The following CYP4F22 variants were observed in gnomAD, a reference collection of about 807,000 sequenced individuals.
CYP4F22 encodes cytochrome P450 family 4 subfamily F member 22.
A neutral mutation model predicts 60.4 loss-of-function variants in CYP4F22; 37 were observed. The ratio of observed to expected loss-of-function variants is 0.61; its 90% confidence interval spans 0.47 to 0.81. CYP4F22 has a LOEUF of 0.81. Ranked by LOEUF, CYP4F22 falls within the 30% of genes least tolerant of loss-of-function variation. The pLI is 0.00. For missense variants in CYP4F22, 655 were observed against 715.0 expected, an observed-to-expected ratio of 0.92 and a Z score of 0.96; for synonymous variants, 258 against 280.5, an observed-to-expected ratio of 0.92 and a Z score of 0.80.
At chr19:15,539,558 G>A (rs1453206582) in intron 7 of CYP4F22, among the ~76,000 whole-genome samples, 4 of 152,326 alleles carry the variant, frequency 2.6e-5, no homozygotes, top group African/African-American at 7.2e-5. Flanking sequence ...CCTAGGAGCA[G>A]AATTGCTGGG....
intron 1 of CYP4F22, among the ~76,000 whole-genome samples, chr19:15,519,224 G>T (rs1022835063): frequency 3.3e-5 from 5 of 151,984 alleles, no homozygotes; most frequent in Admixed American, 3.3e-4. Context: ...TTTACAAACC[G>T]GGTGAAGAAA....
At chr19:15,543,184 G>T (rs1270664701) in intron 8 of CYP4F22, among the ~76,000 whole-genome samples, 1 of 152,064 alleles carries the variant, frequency 6.6e-6, no homozygotes, top group Non-Finnish European at 1.5e-5. Context: ...TTGTAAAAGC[G>T]TTCCTATTTC....
At chr19:15,540,835 A>G in intron 8 of CYP4F22, 118 bp downstream of exon 8, 5 of 1,355,162 alleles carry the variant, frequency 3.7e-6, no homozygotes, top group Non-Finnish European at 5.1e-6. Context: ...GTGTAATCCC[A>G]GCGCTTTGGG....
intron 4 of CYP4F22, among the ~76,000 whole-genome samples, chr19:15,531,872 C>T (rs568669411): frequency 1.4e-4 from 22 of 151,948 alleles, no homozygotes; most frequent in South Asian, 4.2e-4. Flanking sequence ...TGGGAGGCCA[C>T]GGCAGGAGGA....
chr19:15,513,592 C>G (rs1366763584), intron 1 of CYP4F22, among the ~76,000 whole-genome samples: 3 of 151,978 alleles, frequency 2.0e-5, no homozygotes, highest in African/African-American at 7.3e-5. Flanking sequence ...TCTCGATCTC[C>G]TGACCTCGTG....
chr19:15,543,818 C>T (rs1371429893), intron 8 of CYP4F22, among the ~76,000 whole-genome samples, 153 bp from the exon 9 acceptor site: 1 of 150,206 alleles, frequency 6.7e-6, no homozygotes, highest in Non-Finnish European at 1.5e-5. Context: ...GATTGTGCCA[C>T]CGCACTCCAG....
intron 4 of CYP4F22, among the ~76,000 whole-genome samples, 189 bp from the exon 5 acceptor site, chr19:15,537,172 A>G (rs1971403934): frequency 1.3e-5 from 2 of 152,042 alleles, no homozygotes; most frequent in South Asian, 4.1e-4. Flanking sequence ...ATGGTGGCGG[A>G]CACCTGTAAT....
chr19:15,547,986 AGAGAGAGAGGGAGAGAGTGTGT>A lies in CYP4F22; in HGVS notation c.1137-120_1137-99del. 6 of 721,166 alleles carry A rather than the reference AGAGAGAGAGGGAGAGAGTGTGT, an allele frequency of 8.3e-6. No homozygotes were observed. In the African/African-American group the frequency reaches 9.9e-5, roughly 12 times the overall value. 44.7% of individuals were successfully genotyped at this position (721,166 alleles called of 1,614,324 possible). ...CTGCCCCTGAGAGAGAGAGAGAGAGAGAGAGAGAGGGAGAGAGTGTGTGTGTGTGTGTGTGTGTGTGTGTGTG... is the reference window on the plus strand; with the variant it reads ...CTGCCCCTGAGAGAGAGAGAGAGAGAGTGTGTGTGTGTGTGTGTGTGTGTG... On this transcript the variant is annotated intron_variant, in intron 10 of 13. Coordinates refer to ENST00000269703, the MANE Select transcript of CYP4F22 (RefSeq NM_173483.4).
At chr19:15,532,472 T>G (rs928709970) in intron 4 of CYP4F22, among the ~76,000 whole-genome samples, 2 of 151,886 alleles carry the variant, frequency 1.3e-5, no homozygotes, top group African/African-American at 4.8e-5. Context: ...CCTCCCGAGT[T>G]CAAGTGATTC....
Position 15,525,386 on chromosome 19 carries a change from C to G in CYP4F22, c.50C>G (p.Thr17Arg). ...CTGCACCTCCTGGGGCTGGAGAAGA[C>G]GGCGTTCCGCATATACGCGGTGTCC... ...RLLHLLGLEK[T>R]AFRIYAVSTL... is the part of the protein sequence containing the mutation. The change falls in exon 3 of 14, where the codon ACG becomes AGG. Residue 17 changes from threonine to arginine, a missense_variant. By Grantham distance (71) the Thr-to-Arg change is moderately conservative. Around this residue, in one of 3 missense-constraint regions of CYP4F22, gnomAD observed 430 missense variants for 457.1 expected, o/e 0.94. Transcript: ENST00000269703. 3.1e-6 allele frequency: 5 copies of G among 1,614,064 alleles called. No homozygotes were observed. The highest frequency in any genetic ancestry group is 4.2e-6 in the Non-Finnish European group (5 of 1,180,032).
chr19:15,537,684 G>A (rs1311829511), intron 6 of CYP4F22, 22 bp downstream of exon 6: 1 of 1,609,956 alleles, frequency 6.2e-7, no homozygotes, highest in Middle Eastern at 1.7e-4. Flanking sequence ...GGCTTTGAGG[G>A]AAGAGGGTGT....
chr19:15,510,082 A>G (rs1021310828), intron 1 of CYP4F22, among the ~76,000 whole-genome samples: 1 of 151,790 alleles, frequency 6.6e-6, no homozygotes, highest in African/African-American at 2.4e-5. Context: ...CCTGGGTTCA[A>G]GCAATCCTCC....
At chr19:15,550,185 C>A (rs2144548879) in intron 12 of CYP4F22, among the ~76,000 whole-genome samples, 1 of 152,214 alleles carries the variant, frequency 6.6e-6, no homozygotes, top group South Asian at 2.1e-4. Context: ...TCTGCCTTGG[C>A]CTCCCAAAGT....
chr19:15,548,584 T>G (rs551464207), intron 11 of CYP4F22, among the ~76,000 whole-genome samples: 1 of 152,218 alleles, frequency 6.6e-6, no homozygotes, highest in African/African-American at 2.4e-5. Flanking sequence ...TTTTGAGTAT[T>G]GCCCTTTCTG....
At chr19:15,539,017 A>T (rs1971429685) in intron 7 of CYP4F22, among the ~76,000 whole-genome samples, 1 of 152,206 alleles carries the variant, frequency 6.6e-6, no homozygotes, top group Non-Finnish European at 1.5e-5. Flanking sequence ...GTTAGTTTTT[A>T]AAAAATAATG....
At chr19:15,546,494 G>C (rs1413129658) in intron 10 of CYP4F22, among the ~76,000 whole-genome samples, 1 of 152,138 alleles carries the variant, frequency 6.6e-6, no homozygotes, top group Non-Finnish European at 1.5e-5. Context: ...TGAGGCGTGA[G>C]AATTGCTTGA....
intron 2 of CYP4F22, among the ~76,000 whole-genome samples, chr19:15,524,807 T>C (rs1248956352): frequency 2.0e-5 from 3 of 152,176 alleles, no homozygotes. Flanking sequence ...TAATTAATTT[T>C]GTGTTATGCG....
intron 12 of CYP4F22, 41 bp downstream of exon 12, chr19:15,549,243 C>T (rs1199419812): frequency 3.7e-6 from 6 of 1,608,896 alleles, no homozygotes; most frequent in South Asian, 2.2e-5. Context: ...CAGGTCCTCC[C>T]CTCCCCTGCG....
chr19:15,514,679 GAAAGAAAGAA>G (rs1194844767), intron 1 of CYP4F22, among the ~76,000 whole-genome samples: 8 of 151,844 alleles, frequency 5.3e-5, no homozygotes, highest in Non-Finnish European at 1.0e-4. Flanking sequence ...TTGAAAGAAA[GAAAGAAAGAA>G]AAAGAAAGAA....
Sources: gnomAD v4.1 joint callset for allele counts (sites outside exome capture counted in the v4.1 genomes callset) on GRCh38, gnomAD v4.1.1 for gene constraint, gnomAD v4.1.1 regional missense constraint, MANE v1.5 for transcripts, NCBI Gene and HGNC (gene_info 2026-07-23, HGNC 2026-07-21) for gene names.